LONRF2: variants seen among roughly 807,000 people sequenced by gnomAD.
LONRF2 encodes the protein LON peptidase N-terminal domain and ring finger 2, also known as LON peptidase N-terminal domain and RING finger protein 2.
In LONRF2, 35 loss-of-function variants were observed where a neutral mutation model predicts 66.6. That is an observed-to-expected ratio of 0.53 (90% CI 0.40 to 0.70). LONRF2 has a LOEUF of 0.70. LONRF2 is among the 30% of genes least tolerant of loss of function. The pLI, the probability that LONRF2 is intolerant of heterozygous loss-of-function variation, is 0.00. For synonymous variants in LONRF2, 417 were observed against 418.1 expected (o/e 1.00, Z 0.03); for missense variants, 902 against 1,002.1 (o/e 0.90, Z 1.35).
intron 7 of LONRF2, among the ~76,000 whole-genome samples, chr2:100,296,653 CTA>C (rs1238359562): frequency 1.3e-5 from 2 of 152,164 alleles, no homozygotes; most frequent in African/African-American, 4.8e-5. Flanking sequence ...TTGGAAACGC[CTA>C]TGTTTGAGAA....
At position 100,309,285 on chromosome 2, in the gene LONRF2, T is replaced by G. The variant is rs1309096570; in HGVS notation, c.680-60A>C. 2.6e-5 allele frequency: 26 copies of G among 1,003,578 alleles called. No homozygotes were observed. The Admixed American group carries it at 5.3e-4, about 20-fold the overall frequency. 62.2% of individuals were successfully genotyped at this position (1,003,578 alleles called of 1,614,324 possible). On this transcript the variant is annotated intron_variant, in intron 1 of 11. Transcript: ENST00000393437. ...GACTGCATTTAAAAACAAGTAATCT[T>G]AATGTCATTACATATATTAAAGTGT...
chr2:100,302,858 C>A, intron 3 of LONRF2, 63 bp downstream of exon 3: 2 of 1,410,260 alleles, frequency 1.4e-6, no homozygotes, highest in South Asian at 1.7e-5. Context: ...AAGGGTTACT[C>A]AGCATGGACA....
intron 11 of LONRF2, among the ~76,000 whole-genome samples, chr2:100,285,434 TA>T (rs1674824746): frequency 1.3e-5 from 2 of 152,160 alleles, no homozygotes; most frequent in Non-Finnish European, 2.9e-5. Flanking sequence ...AAAAACTGAG[TA>T]GCACGCTTAA....
intron 9 of LONRF2, among the ~76,000 whole-genome samples, chr2:100,290,889 A>G (rs10865039): frequency 0.73 from 111,300 of 152,146 alleles, 41,421 homozygotes; most frequent in East Asian, 0.96. Context: ...GCCAAGCAAC[A>G]CACGGAGCAG....
chr2:100,316,204 A>G (rs1675502242), intron 1 of LONRF2, among the ~76,000 whole-genome samples: 2 of 151,438 alleles, frequency 1.3e-5, no homozygotes, highest in Non-Finnish European at 2.9e-5. Flanking sequence ...CTGTAGTCCC[A>G]GCTACTGGGG....
At chr2:100,320,640 C>T (rs1675601530) in intron 1 of LONRF2, among the ~76,000 whole-genome samples, 1 of 152,118 alleles carries the variant, frequency 6.6e-6, no homozygotes, top group South Asian at 2.1e-4. Context: ...ACCGGTGAAA[C>T]CAGAAAGCAA....
At chr2:100,315,607 A>G (rs1675490743) in intron 1 of LONRF2, among the ~76,000 whole-genome samples, 1 of 152,124 alleles carries the variant, frequency 6.6e-6, no homozygotes, top group South Asian at 2.1e-4. Context: ...GTTTCCTGAG[A>G]GATGCATCAT....
At chr2:100,320,346 A>G (rs148377774) in intron 1 of LONRF2, among the ~76,000 whole-genome samples, 2 of 152,338 alleles carry the variant, frequency 1.3e-5, no homozygotes, top group East Asian at 3.9e-4. Context: ...AAAACTACAG[A>G]ATACTCGTTA....
At chr2:100,291,187 T>A (rs1003896796) in intron 9 of LONRF2, among the ~76,000 whole-genome samples, 54 of 151,284 alleles carry the variant, frequency 3.6e-4, no homozygotes, top group African/African-American at 1.2e-3. Flanking sequence ...ATTTTTTTTT[T>A]AAACAAATTG....
Position 100,316,893 on chromosome 2 carries a change from C to T in LONRF2, c.679+4522G>A, listed in dbSNP as rs141692365. ...GCATAAAAATTTAGGCATATTATTACACATTTTTTTTCTGTTGAACTGGCC... is the reference window on the plus strand; with the variant it reads ...GCATAAAAATTTAGGCATATTATTATACATTTTTTTTCTGTTGAACTGGCC... On this transcript the variant is annotated intron_variant, in intron 1 of 11. Coordinates refer to ENST00000393437, the MANE Select transcript of LONRF2 (RefSeq NM_198461.4). Among the ~76,000 whole-genome samples, 5 of 152,224 alleles carry T rather than the reference C, an allele frequency of 3.3e-5. No homozygotes were observed. The East Asian group carries it at 9.6e-4, about 29-fold the overall frequency.
chr2:100,278,072 A>C lies in LONRF2; in HGVS notation c.*6226T>G, dbSNP rs1029231610. On this transcript the variant is annotated 3_prime_UTR_variant, in exon 12 of 12. Transcript: ENST00000393437. ...TAGGTTCCACACAATCGGTTTCACG[A>C]AGACACACAATGGTCTCCTCAAACA... is the stretch of plus-strand genomic sequence containing the variant. The C allele has an allele frequency of 6.6e-6, 1 of 152,118 alleles. No individual in the cohort carries two copies. The highest frequency in any genetic ancestry group is 1.5e-5 in the Non-Finnish European group (1 of 68,036). The allele number at this position is 152,118 out of a possible 1,614,324, so 9.4% of individuals were successfully genotyped here. A position where few individuals can be genotyped will look rare whatever the true frequency, so the allele number is the denominator to read the frequency against.
At chr2:100,287,138 C>A in intron 10 of LONRF2, 75 bp from the exon 11 acceptor site, 1 of 1,369,704 alleles carries the variant, frequency 7.3e-7, no homozygotes, top group East Asian at 2.6e-5. Context: ...ACCTCTGCAC[C>A]TCCACTAAGT....
intron 3 of LONRF2, 142 bp from the exon 4 acceptor site, chr2:100,300,929 T>A: frequency 1.5e-6 from 1 of 651,502 alleles, no homozygotes; most frequent in Non-Finnish European, 2.4e-6. Context: ...GCCAACCTTT[T>A]AAAATCCAAA....
At chr2:100,297,274 G>A (rs959080261) in intron 7 of LONRF2, among the ~76,000 whole-genome samples, 4 of 150,960 alleles carry the variant, frequency 2.6e-5, no homozygotes, top group African/African-American at 9.8e-5. Flanking sequence ...GACTACAGGT[G>A]CCCGCCACCA....
At chr2:100,292,885 T>G (rs552069805) in intron 9 of LONRF2, among the ~76,000 whole-genome samples, 1 of 152,348 alleles carries the variant, frequency 6.6e-6, no homozygotes, top group Admixed American at 6.5e-5. Flanking sequence ...CCCTCTCATT[T>G]GGACCACCCA....
At position 100,282,792 on chromosome 2, in the gene LONRF2, G is replaced by C. The variant is rs1674765305; in HGVS notation, c.*1506C>G. The C allele has an allele frequency of 7.0e-6, 1 of 143,156 alleles. No homozygotes were observed. The highest frequency in any genetic ancestry group is 2.3e-4 in the South Asian group (1 of 4,352). The allele number at this position is 143,156 out of a possible 1,614,324, so 8.9% of individuals were successfully genotyped here. ...TGGTATTTTCTAACTCCCATGATGA[G>C]ACTGAAAACTAAAAGAAAAATTAAT... On this transcript the variant is annotated 3_prime_UTR_variant, in exon 12 of 12. Transcript: ENST00000393437.
chr2:100,302,357 G>A (rs1189646662), intron 3 of LONRF2, among the ~76,000 whole-genome samples: 1 of 152,220 alleles, frequency 6.6e-6, no homozygotes, highest in Non-Finnish European at 1.5e-5. Context: ...GGGTAAATAC[G>A]TGGTAGAAGT....
At position 100,322,275 on chromosome 2, in the gene LONRF2, G is replaced by A; in HGVS notation, c.-182C>T. 4.2e-6 allele frequency: 2 copies of A among 480,834 alleles called. No individual in the cohort carries two copies. The highest frequency in any genetic ancestry group is 3.1e-6 in the Non-Finnish European group (1 of 318,300). 29.8% of individuals were successfully genotyped at this position (480,834 alleles called of 1,614,324 possible). A position where few individuals can be genotyped will look rare whatever the true frequency, so the allele number is the denominator to read the frequency against. Reference sequence around the variant, plus strand: ...CGGGGGCGGGCGCCTGGCTTGGGCAGCGTCCTCAGCGCGGTGTGGGCGGCG... The same window carrying A: ...CGGGGGCGGGCGCCTGGCTTGGGCAACGTCCTCAGCGCGGTGTGGGCGGCG... On this transcript the variant is annotated 5_prime_UTR_variant, in exon 1 of 12. Transcript: ENST00000393437.
intron 1 of LONRF2, among the ~76,000 whole-genome samples, chr2:100,310,234 AC>A (rs1675383279): frequency 6.6e-6 from 1 of 152,182 alleles, no homozygotes; most frequent in African/African-American, 2.4e-5. Flanking sequence ...TGGAAGCCAG[AC>A]CTCAGAAAGG....
Sources: allele counts gnomAD v4.1 joint callset (sites outside exome capture counted in the v4.1 genomes callset), GRCh38; gene constraint gnomAD v4.1.1; transcripts MANE v1.5; gene names NCBI Gene and HGNC (gene_info 2026-07-23, HGNC 2026-07-21).